EDIL3: variants seen among roughly 807,000 people sequenced by gnomAD.
EDIL3 encodes the protein EGF like and discoidin domains 3, also known as EGF-like repeat and discoidin I-like domain-containing protein 3.
Under a neutral mutation model 67.4 loss-of-function variants are expected in EDIL3, and 37 were observed. The observed-to-expected ratio is 0.55, with a 90% confidence interval of 0.42 to 0.72. The LOEUF (loss-of-function observed/expected upper bound fraction) is 0.72. EDIL3 is among the 30% of genes least tolerant of loss of function. The pLI, the probability that EDIL3 is intolerant of heterozygous loss-of-function variation, is 0.00. For synonymous variants in EDIL3, 195 were observed against 196.3 expected (o/e 0.99, Z 0.05); for missense variants, 527 against 586.3 (o/e 0.90, Z 1.04).
chr5:84,104,688 T>G (rs571059008), intron 6 of EDIL3, among the ~76,000 whole-genome samples: 31 of 152,158 alleles, frequency 2.0e-4, no homozygotes, highest in Admixed American at 1.6e-3. Context: ...CTTAAGAGAA[T>G]AAATCTAAAT....
chr5:84,018,868 T>G (rs1268842544), intron 9 of EDIL3, among the ~76,000 whole-genome samples: 1 of 152,132 alleles, frequency 6.6e-6, no homozygotes, highest in Non-Finnish European at 1.5e-5. Context: ...CCAGTTAGAA[T>G]GGCGATCATT....
intron 3 of EDIL3, among the ~76,000 whole-genome samples, chr5:84,191,938 T>C (rs1743594558): frequency 6.6e-6 from 1 of 151,994 alleles, no homozygotes; most frequent in Non-Finnish European, 1.5e-5. Flanking sequence ...TAAGAAAATA[T>C]GTGAGGGGCT....
In EDIL3 at chr5:84,142,653, A is replaced by T. The variant is rs756224293; in HGVS notation, c.356-5299T>A. ...CTAATCCTTCTGGGGATAGATATCT[A>T]TCTAACCTCCTCCTAGAGAAGACAA... On this transcript the variant is annotated intron_variant, in intron 4 of 10. Transcript: ENST00000296591. Among the ~76,000 whole-genome samples the T allele has an allele frequency of 2.6e-4, 39 of 152,014 alleles. 1 individual carries two copies. The highest frequency in any genetic ancestry group is 4.4e-4 in the Non-Finnish European group (30 of 67,976).
chr5:84,347,851 T>A (rs879203246), intron 1 of EDIL3, among the ~76,000 whole-genome samples: 1 of 152,190 alleles, frequency 6.6e-6, no homozygotes, highest in East Asian at 1.9e-4. Flanking sequence ...ACATTCATAT[T>A]TTTTTTGCCT....
chr5:84,311,608 G>C lies in EDIL3; in HGVS notation c.68-57396C>G, dbSNP rs1454083413. ...ATCATTCTTGGGTGTTTCTCACAGA[G>C]GGGGATTTGGCAGGGTCATAGGACA... is the stretch of plus-strand genomic sequence containing the variant. On this transcript the variant is annotated intron_variant, in intron 1 of 10. Transcript: ENST00000296591. Among the ~76,000 whole-genome samples the C allele has an allele frequency of 4.0e-5, 6 of 151,834 alleles. No individual in the cohort carries two copies. The East Asian group carries it at 1.2e-3, about 29-fold the overall frequency.
intron 10 of EDIL3, among the ~76,000 whole-genome samples, chr5:83,952,397 A>C (rs1484825395): frequency 6.6e-6 from 1 of 151,826 alleles, no homozygotes. Context: ...TGAAACATAA[A>C]ATATGCCATT....
chr5:84,287,189 C>T (rs1004989425), intron 1 of EDIL3, among the ~76,000 whole-genome samples: 1 of 152,020 alleles, frequency 6.6e-6, no homozygotes, highest in African/African-American at 2.4e-5. Context: ...TATCCACTTG[C>T]CTTATTTTCA....
chr5:83,984,309 G>A (rs1164404458), intron 9 of EDIL3, among the ~76,000 whole-genome samples: 2 of 151,986 alleles, frequency 1.3e-5, no homozygotes. Flanking sequence ...GGAAATATCT[G>A]GCAAAAAACA....
chr5:84,018,740 C>G (rs933059691), intron 9 of EDIL3, among the ~76,000 whole-genome samples: 10 of 152,018 alleles, frequency 6.6e-5, no homozygotes, highest in African/African-American at 2.4e-4. Flanking sequence ...AACACCAAAT[C>G]CCCAAAGGGC....
chr5:84,001,894 T>C (rs1745337748), intron 9 of EDIL3, among the ~76,000 whole-genome samples: 1 of 152,000 alleles, frequency 6.6e-6, no homozygotes, highest in African/African-American at 2.4e-5. Flanking sequence ...GGAATACTTC[T>C]AAACTCATTC....
intron 9 of EDIL3, among the ~76,000 whole-genome samples, chr5:84,029,658 G>A (rs1005253984): frequency 2.0e-5 from 3 of 152,230 alleles, no homozygotes; most frequent in Non-Finnish European, 4.4e-5. Context: ...ACCCTCAAAA[G>A]GGTTAAGATT....
intron 1 of EDIL3, among the ~76,000 whole-genome samples, chr5:84,271,157 A>T (rs1745465524): frequency 6.6e-6 from 1 of 152,202 alleles, no homozygotes; most frequent in Non-Finnish European, 1.5e-5. Context: ...TAAGTATTGT[A>T]ATATGAAATT....
intron 1 of EDIL3, among the ~76,000 whole-genome samples, chr5:84,360,532 T>A (rs1040241227): frequency 1.3e-5 from 2 of 152,176 alleles, no homozygotes; most frequent in Admixed American, 6.5e-5. Context: ...AATGCCCTTT[T>A]CAATCATTTC....
intron 4 of EDIL3, among the ~76,000 whole-genome samples, chr5:84,173,321 G>A (rs1378449284): frequency 1.3e-5 from 2 of 152,136 alleles, no homozygotes; most frequent in Non-Finnish European, 2.9e-5. Context: ...CAGCCATAGA[G>A]GCTGAGCTCA....
chr5:84,226,655 T>G (rs1233008051), intron 3 of EDIL3, among the ~76,000 whole-genome samples: 1 of 151,852 alleles, frequency 6.6e-6, no homozygotes, highest in Non-Finnish European at 1.5e-5. Flanking sequence ...AGTGTCTACT[T>G]TACTAAATGA....
chr5:83,993,166 T>C (rs1745179616), intron 9 of EDIL3, among the ~76,000 whole-genome samples: 1 of 152,160 alleles, frequency 6.6e-6, no homozygotes, highest in South Asian at 2.1e-4. Flanking sequence ...TGTAAGGCAA[T>C]ATTTCTTTAT....
chr5:84,205,824 T>C (rs1376690701), intron 3 of EDIL3, among the ~76,000 whole-genome samples: 4 of 152,058 alleles, frequency 2.6e-5, no homozygotes, highest in Middle Eastern at 3.4e-3. Flanking sequence ...TTAGTCTTGC[T>C]AGCGGTCTAT....
At chr5:84,033,528 C>G (rs543560514) in intron 9 of EDIL3, among the ~76,000 whole-genome samples, 1 of 151,796 alleles carries the variant, frequency 6.6e-6, no homozygotes, top group African/African-American at 2.4e-5. Flanking sequence ...TGACAAAACC[C>G]CGTCTCTACC....
At chr5:84,282,565 T>C (rs943715202) in intron 1 of EDIL3, among the ~76,000 whole-genome samples, 2 of 152,208 alleles carry the variant, frequency 1.3e-5, no homozygotes, top group Non-Finnish European at 2.9e-5. Context: ...GCAATTACAT[T>C]TTAATATATT....
Sources: allele counts gnomAD v4.1 joint callset (sites outside exome capture counted in the v4.1 genomes callset), GRCh38; gene constraint gnomAD v4.1.1; transcripts MANE v1.5; gene names NCBI Gene and HGNC (gene_info 2026-07-23, HGNC 2026-07-21).